Variants in ANKK1 observed in about 807,000 individuals in gnomAD.
The protein encoded by ANKK1 is ankyrin repeat and protein kinase domain-containing protein 1.
In ANKK1, 37 loss-of-function variants were observed where a neutral mutation model predicts 37.6. The observed-to-expected ratio is 0.98, with a 90% CI of 0.76 to 1.29. The LOEUF is 1.29. Among genes scored for constraint, ANKK1 ranks in the 50% most tolerant of loss-of-function variants. The pLI is 0.00. For synonymous variants in ANKK1, 415 were observed against 418.7 expected (o/e 0.99, Z 0.11); for missense variants, 1,019 against 990.6 (o/e 1.03, Z -0.39).
At chr11:113,391,817 G>A (rs1018380170) in intron 1 of ANKK1, among the ~76,000 whole-genome samples, 3 of 152,090 alleles carry the variant, frequency 2.0e-5, no homozygotes, top group Non-Finnish European at 4.4e-5. Flanking sequence ...ACTAAGCCCC[G>A]TGGTCAAGTA....
At position 113,399,321 on chromosome 11, in the gene ANKK1, G is replaced by A; in HGVS notation, c.1352G>A (p.Gly451Glu). ...ACTGCGCGCCTGCTCCTGGACCACG[G>A]GGCCTGTGTGGATGCCCAGGAACGT... Reference protein sequence around the residue: ...DGTARLLLDHGACVDAQEREG... With the variant: ...DGTARLLLDHEACVDAQEREG... Residue 451 changes from glycine to glutamate, a missense_variant, in exon 8 of 8, where the codon GGG (glycine) becomes GAG (glutamate). Physicochemically the swap from Gly to Glu is moderately conservative, Grantham distance 98. Transcript: ENST00000303941. 3.7e-6 allele frequency: 6 copies of A among 1,600,204 alleles called. No individual in the cohort carries two copies. The highest frequency in any genetic ancestry group is 5.1e-6 in the Non-Finnish European group (6 of 1,173,748).
chr11:113,395,518 G>A, intron 4 of ANKK1, 110 bp downstream of exon 4: 1 of 1,146,476 alleles, frequency 8.7e-7, no homozygotes, highest in African/African-American at 1.5e-5. Context: ...TTGCAGGTTT[G>A]TGTGGAACTG....
At chr11:113,395,981 G>C in intron 4 of ANKK1, 86 bp from the exon 5 acceptor site, 1 of 1,514,628 alleles carries the variant, frequency 6.6e-7, no homozygotes, top group Non-Finnish European at 9.0e-7. Flanking sequence ...ATGCCCTGTT[G>C]GGATCCTCAG....
intron 7 of ANKK1, 78 bp downstream of exon 7, chr11:113,398,094 C>A: frequency 6.7e-7 from 1 of 1,490,166 alleles, no homozygotes; most frequent in Non-Finnish European, 9.1e-7. Flanking sequence ...TTTCCCCATC[C>A]CCCTGGCCTC....
chr11:113,389,717 T>A (rs1041859980), intron 1 of ANKK1, among the ~76,000 whole-genome samples: 12 of 152,198 alleles, frequency 7.9e-5, no homozygotes, highest in Non-Finnish European at 1.6e-4. Context: ...GGAGAAAGTT[T>A]TCCAAGAACA....
chr11:113,395,039 G>T lies in ANKK1; in HGVS notation c.591G>T (p.Leu197=). 1 of 1,613,150 alleles carries T rather than the reference G, an allele frequency of 6.2e-7. No homozygotes were observed. Among genetic ancestry groups the T allele is most frequent in the Non-Finnish European group, 8.5e-7 (1 of 1,179,550 alleles). ...GCTACATCCCCCCTGAGATGTTCCT[G>T]GAGAGTAACAAGGCCCCAGGACCTA... ...MLSYIPPEMF[L]ESNKAPGPKY... Residue 197 remains leucine (L), a synonymous_variant, in exon 3 of 8, where the codon CTG becomes CTT. Transcript: ENST00000303941.
At chr11:113,389,608 C>A (rs1950572863) in intron 1 of ANKK1, among the ~76,000 whole-genome samples, 2 of 152,110 alleles carry the variant, frequency 1.3e-5, no homozygotes. Context: ...TAGGAGAGCT[C>A]ATTAACAGAA....
At chr11:113,398,599 A>T (rs1950658694) in intron 7 of ANKK1, among the ~76,000 whole-genome samples, 1 of 152,064 alleles carries the variant, frequency 6.6e-6, no homozygotes, top group Non-Finnish European at 1.5e-5. Context: ...GAATGAACTG[A>T]TCATTGTTTG....
Position 113,395,081 on chromosome 11 carries a change from G to T in ANKK1, c.632+1G>T, listed in dbSNP as rs1252334187. 2.5e-6 allele frequency: 4 copies of T among 1,599,270 alleles called. No individual in the cohort carries two copies. The African/African-American group carries it at 4.0e-5, about 16-fold the overall frequency. On this transcript the variant is annotated splice_donor_variant, in intron 3 of 7. Transcript: ENST00000303941. LOFTEE classifies it high-confidence loss of function. ...CAGGACCTAAATATGATGTGTACAG[G>T]TGAGAAGGAGGCCTGGCGTGATGCC...
In ANKK1 at chr11:113,399,483, G is replaced by C. The variant is rs1398577386; in HGVS notation, c.1514G>C (p.Gly505Ala). The change falls in exon 8 of 8, where the codon GGC (glycine) becomes GCC (alanine). Residue 505 changes from glycine to alanine, a missense_variant. Physicochemically the swap from Gly to Ala is moderately conservative, Grantham distance 60. Coordinates refer to ENST00000303941, the MANE Select transcript of ANKK1 (RefSeq NM_178510.2). ...CCCCTCCATGTGGCCGCCTACTTTG[G>C]CCATGTTAGCCTGGTCAAGCTGCTG... ...KTPLHVAAYF[G>A]HVSLVKLLTS... 1 of 1,591,432 alleles carries C rather than the reference G, an allele frequency of 6.3e-7. No homozygotes were observed. Among genetic ancestry groups the C allele is most frequent in the African/African-American group, 1.3e-5 (1 of 74,578 alleles).
chr11:113,397,867 A>C, intron 6 of ANKK1, 113 bp from the exon 7 acceptor site: 3 of 1,167,160 alleles, frequency 2.6e-6, no homozygotes, highest in Non-Finnish European at 3.8e-6. Context: ...ATAGGGTGGG[A>C]TGTGAGTCCT....
At chr11:113,389,296 A>AT in intron 1 of ANKK1, among the ~76,000 whole-genome samples, 1 of 152,352 alleles carries the variant, frequency 6.6e-6, no homozygotes, top group East Asian at 1.9e-4. Flanking sequence ...AGGGGGTAAG[A>AT]TAATTAATGG....
chr11:113,398,997 T>A lies in ANKK1; in HGVS notation c.1028T>A (p.Leu343His), dbSNP rs202009146. The A allele has an allele frequency of 5.3e-5, 84 of 1,591,178 alleles. No homozygotes were observed. Among genetic ancestry groups the A allele is most frequent in the Admixed American group, 4.2e-4 (24 of 56,998 alleles). The change falls in exon 8 of 8, where the codon CTC becomes CAC. Residue 343 changes from leucine (L) to histidine (H), a missense_variant. Leu to His is a moderately conservative substitution (Grantham distance 99, BLOSUM62 -3). Transcript: ENST00000303941. ...SGNYLKRALQLSDRKNLVPRD... is the reference protein window; with the variant it reads ...SGNYLKRALQHSDRKNLVPRD... ...AACTACCTGAAGCGGGCCCTTCAGC[T>A]CTCCGACCGTAAGAATTTGGTCCCG... is the stretch of plus-strand genomic sequence containing the variant.
intron 6 of ANKK1, 98 bp downstream of exon 6, chr11:113,397,440 C>A: frequency 9.7e-7 from 1 of 1,034,160 alleles, no homozygotes; most frequent in Non-Finnish European, 1.4e-6. Flanking sequence ...CACTCATGCA[C>A]AGCCCAGCTT....
chr11:113,395,498 G>A (rs903113129), intron 4 of ANKK1, 90 bp downstream of exon 4: 5 of 1,426,366 alleles, frequency 3.5e-6, no homozygotes, highest in Admixed American at 1.9e-5. Context: ...GAGGGTTGGG[G>A]GGGGTCAAGT....
intron 1 of ANKK1, among the ~76,000 whole-genome samples, chr11:113,392,626 A>C (rs1037853157): frequency 6.6e-6 from 1 of 152,260 alleles, no homozygotes; most frequent in Non-Finnish European, 1.5e-5. Flanking sequence ...TTTCATATTT[A>C]CTGTTCTGTG....
chr11:113,393,835 G>C, intron 2 of ANKK1, 60 bp downstream of exon 2: 1 of 1,513,778 alleles, frequency 6.6e-7, no homozygotes, highest in Non-Finnish European at 8.8e-7. Context: ...CAGGTGAGCA[G>C]AATTATCCAC....
chr11:113,397,187 T>G, intron 5 of ANKK1, 37 bp from the exon 6 acceptor site: 1 of 1,568,590 alleles, frequency 6.4e-7, no homozygotes. Flanking sequence ...GCCAGCCCGT[T>G]GCTTCCTTTC....
At chr11:113,397,366 C>T in intron 6 of ANKK1, 24 bp downstream of exon 6, 2 of 1,590,940 alleles carry the variant, frequency 1.3e-6, no homozygotes, top group East Asian at 2.2e-5. Flanking sequence ...CTGGGCAGTC[C>T]TTATGGTCAT....
Sources: allele counts gnomAD v4.1 joint callset (sites outside exome capture counted in the v4.1 genomes callset), GRCh38; gene constraint gnomAD v4.1.1; transcripts MANE v1.5; gene names NCBI Gene and HGNC (gene_info 2026-07-23, HGNC 2026-07-21).